Variants in TSPAN9 observed in about 807,000 individuals in gnomAD.
TSPAN9 encodes the protein tetraspanin 9.
Under a neutral mutation model 31.0 loss-of-function variants are expected in TSPAN9, and 16 were observed. The ratio of observed to expected loss-of-function variants is 0.52; its 90% CI spans 0.35 to 0.78. The LOEUF (loss-of-function observed/expected upper bound fraction) is 0.78. Ranked by LOEUF, TSPAN9 falls within the 30% of genes least tolerant of loss-of-function variation. The pLI is 0.01. For synonymous variants in TSPAN9, 145 were observed against 121.6 expected (o/e 1.19, Z -1.27); for missense variants, 272 against 312.5 (o/e 0.87, Z 0.98).
chr12:3,270,362 A>G (rs1173327661), intron 3 of TSPAN9, among the ~76,000 whole-genome samples: 2 of 152,174 alleles, frequency 1.3e-5, no homozygotes, highest in Non-Finnish European at 1.5e-5. Flanking sequence ...AGCACATGAT[A>G]GATGCCCCCA....
chr12:3,191,697 C>G (rs1328024588), intron 2 of TSPAN9, among the ~76,000 whole-genome samples: 1 of 152,158 alleles, frequency 6.6e-6, no homozygotes, highest in Non-Finnish European at 1.5e-5. Flanking sequence ...GATTGGGCCC[C>G]TAATGTAGGT....
At chr12:3,269,235 C>T (rs1258448412) in intron 3 of TSPAN9, among the ~76,000 whole-genome samples, 2 of 37,848 alleles carry the variant, frequency 5.3e-5, no homozygotes, top group Non-Finnish European at 1.0e-4. Context: ...TCTCTGTGTT[C>T]CTGCAGCCTG....
chr12:3,230,110 T>G (rs2098389877), intron 3 of TSPAN9, among the ~76,000 whole-genome samples: 1 of 152,196 alleles, frequency 6.6e-6, no homozygotes, highest in Non-Finnish European at 1.5e-5. Context: ...GCAGAAAACC[T>G]ACTAGCTGGT....
intron 2 of TSPAN9, among the ~76,000 whole-genome samples, chr12:3,166,813 T>G (rs1393004919): frequency 6.7e-6 from 1 of 150,074 alleles, no homozygotes; most frequent in Non-Finnish European, 1.5e-5. Context: ...TTTTTCTTCT[T>G]TGAGATGGAG....
chr12:3,266,960 A>G (rs1244036129), intron 3 of TSPAN9, among the ~76,000 whole-genome samples: 1 of 152,078 alleles, frequency 6.6e-6, no homozygotes, highest in African/African-American at 2.4e-5. Flanking sequence ...TATTTGTGTA[A>G]TTATGGTGTT....
intron 3 of TSPAN9, among the ~76,000 whole-genome samples, chr12:3,218,913 C>T (rs900716275): frequency 6.6e-6 from 1 of 152,268 alleles, no homozygotes; most frequent in South Asian, 2.1e-4. Context: ...CTGGAGCCCC[C>T]CAAAGAGAGG....
chr12:3,163,588 G>A (rs187936005), intron 2 of TSPAN9, among the ~76,000 whole-genome samples: 11 of 152,116 alleles, frequency 7.2e-5, no homozygotes, highest in Admixed American at 5.2e-4. Context: ...TCTTTTTCCC[G>A]GGTTACTGTT....
intron 2 of TSPAN9, among the ~76,000 whole-genome samples, chr12:3,161,380 C>G (rs1408771266): frequency 1.3e-5 from 2 of 152,150 alleles, no homozygotes; most frequent in African/African-American, 4.8e-5. Context: ...TTAACTCTTA[C>G]ATTTAGGTTC....
intron 2 of TSPAN9, among the ~76,000 whole-genome samples, chr12:3,089,299 AT>A (rs71057897): frequency 0.014 from 1,863 of 128,842 alleles, 45 homozygotes; most frequent in African/African-American, 0.048. Flanking sequence ...TTCAAGGTGA[AT>A]TTTTTTTTTT....
intron 2 of TSPAN9, among the ~76,000 whole-genome samples, chr12:3,114,431 G>A (rs2098321023): frequency 6.6e-6 from 1 of 152,166 alleles, no homozygotes; most frequent in Non-Finnish European, 1.5e-5. Flanking sequence ...GCAGTGCGTG[G>A]TGTATAGCAT....
chr12:3,219,227 T>C (rs1053896420), intron 3 of TSPAN9, among the ~76,000 whole-genome samples: 3 of 152,190 alleles, frequency 2.0e-5, no homozygotes, highest in African/African-American at 7.2e-5. Flanking sequence ...GTTCGACCTC[T>C]CTAGACTCAG....
intron 2 of TSPAN9, among the ~76,000 whole-genome samples, chr12:3,154,003 T>G (rs572191041): frequency 4.1e-4 from 35 of 84,348 alleles, no homozygotes; most frequent in Non-Finnish European, 7.4e-4. Context: ...ATTAGTATTA[T>G]ATATATATGT....
intron 2 of TSPAN9, among the ~76,000 whole-genome samples, chr12:3,126,089 T>C (rs992138569): frequency 6.6e-6 from 1 of 152,204 alleles, no homozygotes; most frequent in Non-Finnish European, 1.5e-5. Flanking sequence ...GGCTCACTAG[T>C]GTAGTGACTG....
At chr12:3,110,992 T>C (rs1168156094) in intron 2 of TSPAN9, among the ~76,000 whole-genome samples, 1 of 152,216 alleles carries the variant, frequency 6.6e-6, no homozygotes, top group Non-Finnish European at 1.5e-5. Flanking sequence ...TTTACAACCT[T>C]CTGCAGGTCA....
chr12:3,225,101 A>C (rs2098386485), intron 3 of TSPAN9, among the ~76,000 whole-genome samples: 1 of 152,122 alleles, frequency 6.6e-6, no homozygotes, highest in Non-Finnish European at 1.5e-5. Context: ...AGAGACAAAG[A>C]ATCAATCATC....
chr12:3,217,134 G>T (rs1040064546), intron 3 of TSPAN9, among the ~76,000 whole-genome samples: 1 of 152,154 alleles, frequency 6.6e-6, no homozygotes, highest in African/African-American at 2.4e-5. Context: ...GCTGCTATTC[G>T]TGGCTCTTTC....
chr12:3,085,431 A>C (rs1000353463), intron 2 of TSPAN9, among the ~76,000 whole-genome samples: 1 of 151,630 alleles, frequency 6.6e-6, no homozygotes, highest in African/African-American at 2.4e-5. Context: ...TCCTCTGTGC[A>C]TCTGCGTTGA....
At chr12:3,109,201 G>A (rs146077844) in intron 2 of TSPAN9, among the ~76,000 whole-genome samples, 28,889 of 150,920 alleles carry the variant, frequency 0.19, 3,557 homozygotes, top group South Asian at 0.36. Flanking sequence ...CTCCCAGAGT[G>A]CTGGGATTAC....
intron 2 of TSPAN9, among the ~76,000 whole-genome samples, chr12:3,096,705 T>A (rs377631705): frequency 1.1e-3 from 168 of 151,946 alleles, no homozygotes; most frequent in African/African-American, 3.6e-3. Context: ...CTTTCTTTTT[T>A]TTTTTATTTT....
Sources: gnomAD v4.1 joint callset for allele counts (sites outside exome capture counted in the v4.1 genomes callset) on GRCh38, gnomAD v4.1.1 for gene constraint, MANE v1.5 for transcripts, NCBI Gene and HGNC (gene_info 2026-07-23, HGNC 2026-07-21) for gene names.